MARCHF8: variants seen among roughly 807,000 people sequenced by gnomAD.
MARCHF8 encodes membrane associated ring-CH-type finger 8, also known as E3 ubiquitin-protein ligase MARCHF8.
Under a neutral mutation model 51.6 loss-of-function variants are expected in MARCHF8, and 40 were observed. That is an observed-to-expected ratio of 0.77 (90% CI 0.60 to 1.01). The LOEUF is 1.01. MARCHF8 is among the 50% of genes least tolerant of loss of function. MARCHF8 has a pLI of 0.00. For missense variants in MARCHF8, 685 were observed against 708.6 expected (o/e 0.97, Z 0.38); for synonymous variants, 263 against 280.3 (o/e 0.94, Z 0.62).
At position 45,557,116 on chromosome 10, in the gene MARCHF8, C is replaced by CTT. The variant is rs58172142; in HGVS notation, c.-78-23829_-78-23828dup. Among the ~76,000 whole-genome samples, 137 of 66,218 alleles carry CTT rather than the reference C, an allele frequency of 2.1e-3. 12 individuals are homozygous for CTT. The highest frequency in any genetic ancestry group is 3.0e-3 in the Non-Finnish European group (106 of 35,868). 43.4% of individuals were successfully genotyped at this position (66,218 alleles called of 152,430 possible). On this transcript the variant is annotated intron_variant, in intron 1 of 6. Coordinates refer to the MARCHF8 transcript ENST00000319836. ...CATTGAACAACAAAAGGTGCCTATTCTTTTTTTTTTTTTTTTTTTTTTTTT... is the reference window on the plus strand; with the variant it reads ...CATTGAACAACAAAAGGTGCCTATTCTTTTTTTTTTTTTTTTTTTTTTTTTTT...
rs1589086261 is a variant in MARCHF8, at chr10:45,471,488, C to T, written c.154-7161G>A. On this transcript the variant is annotated intron_variant, in intron 3 of 7. Transcript: ENST00000453424. ...AAAAATCCAAAATCACCAGAAATAA[C>T]ACGGTGAAAGGGGCTGTGTTTGTGA... Among the ~76,000 whole-genome samples the T allele has an allele frequency of 1.3e-5, 2 of 152,336 alleles. 1 individual carries two copies. The highest frequency in any genetic ancestry group is 2.9e-5 in the Non-Finnish European group (2 of 68,034).
chr10:45,533,352 G>A, intron 1 of MARCHF8, 63 bp from the exon 2 acceptor site: 4 of 1,061,546 alleles, frequency 3.8e-6, no homozygotes, highest in Non-Finnish European at 2.5e-6. Flanking sequence ...TTCCAAGAGT[G>A]AGCTTAACAT....
chr10:45,463,771 C>T lies in MARCHF8; in HGVS notation c.468G>A (p.Arg156=). The change falls in exon 5 of 8, where the codon AGG becomes AGA. Residue 156 remains arginine, a synonymous_variant. Coordinates refer to ENST00000453424, the MANE Select transcript of MARCHF8 (RefSeq NM_001282866.2). Reference sequence around the variant, plus strand: ...CCTTCTCACCCACATCATTGAGGGACCTTGAGAACTTTAGTGTTCTTCTGG... The same window carrying T: ...CCTTCTCACCCACATCATTGAGGGATCTTGAGAACTTTAGTGTTCTTCTGG... ...TKARRTLKFS[R]SLNDVGEKAQ... is the part of the protein sequence containing the mutation. The T allele has an allele frequency of 6.4e-7, 1 of 1,551,128 alleles. No homozygotes were observed. The highest frequency in any genetic ancestry group is 1.7e-4 in the Middle Eastern group (1 of 5,998).
At chr10:45,544,413 CA>C (rs765013909) in intron 1 of MARCHF8, among the ~76,000 whole-genome samples, 75 of 152,154 alleles carry the variant, frequency 4.9e-4, no homozygotes, top group Non-Finnish European at 9.6e-4. Flanking sequence ...CACAAAGACA[CA>C]TACATGAATG....
At chr10:45,479,666 GC>G (rs1331160036) in intron 3 of MARCHF8, among the ~76,000 whole-genome samples, 7 of 152,256 alleles carry the variant, frequency 4.6e-5, no homozygotes, top group Non-Finnish European at 7.4e-5. Context: ...CTTGTCTGCC[GC>G]CATGTAAGTA....
intron 1 of MARCHF8, among the ~76,000 whole-genome samples, chr10:45,584,172 G>C (rs1335698386): frequency 1.2e-5 from 1 of 84,820 alleles, no homozygotes; most frequent in Non-Finnish European, 2.3e-5. Flanking sequence ...TATATATCAA[G>C]AAATTCTCTC....
intron 1 of MARCHF8, among the ~76,000 whole-genome samples, chr10:45,577,893 T>C (rs2044508106): frequency 6.6e-6 from 1 of 152,170 alleles, no homozygotes; most frequent in South Asian, 2.1e-4. Context: ...TGGTGGCCCA[T>C]GTCTGTAGTC....
At chr10:45,522,449 G>A (rs1209928804) in intron 2 of MARCHF8, among the ~76,000 whole-genome samples, 1 of 149,518 alleles carries the variant, frequency 6.7e-6, no homozygotes, top group Non-Finnish European at 1.5e-5. Flanking sequence ...TTGCTCTCAG[G>A]GAACAGACAT....
intron 2 of MARCHF8, among the ~76,000 whole-genome samples, chr10:45,512,203 G>A (rs1327971215): frequency 2.0e-5 from 3 of 151,224 alleles, no homozygotes; most frequent in Non-Finnish European, 4.4e-5. Flanking sequence ...CCCTCCGCCT[G>A]GCAACCGCCC....
intron 6 of MARCHF8, 95 bp downstream of exon 6, chr10:45,461,136 G>T: frequency 2.1e-6 from 2 of 948,374 alleles, no homozygotes; most frequent in East Asian, 3.0e-5. Context: ...TTAAGGAAAT[G>T]AACGCAGGCA....
At chr10:45,475,126 C>A (rs1330638661) in intron 3 of MARCHF8, among the ~76,000 whole-genome samples, 1 of 152,234 alleles carries the variant, frequency 6.6e-6, no homozygotes, top group Non-Finnish European at 1.5e-5. Flanking sequence ...GCCATTGCAG[C>A]AGCTAGCTGC....
Position 45,456,373 on chromosome 10 carries a change from C to G in MARCHF8, c.*1866G>C, listed in dbSNP as rs1842607165. ...TATGGCTGGACAGTGCCTGCCCGGC[C>G]AGAGGAAGGCCACAGCAGAGCCACT... On this transcript the variant is annotated 3_prime_UTR_variant, in exon 8 of 8. Coordinates refer to ENST00000453424, the MANE Select transcript of MARCHF8 (RefSeq NM_001282866.2). 1 of 152,332 alleles carries G rather than the reference C, an allele frequency of 6.6e-6. No individual in the cohort carries two copies. The highest frequency in any genetic ancestry group is 1.5e-5 in the Non-Finnish European group (1 of 68,154). The allele number at this position is 152,332 out of a possible 1,614,324, so 9.4% of individuals were successfully genotyped here. A position where few individuals can be genotyped will look rare whatever the true frequency, so the allele number is the denominator to read the frequency against.
rs76737626 is a variant in MARCHF8, at chr10:45,501,237, A to T, written c.103-11820T>A. Among the ~76,000 whole-genome samples the T allele has an allele frequency of 3.7e-3, 569 of 152,196 alleles. 11 individuals are homozygous for T. In the East Asian group the frequency reaches 0.052, roughly 14 times the overall value. On this transcript the variant is annotated intron_variant, in intron 2 of 7. Coordinates refer to ENST00000453424, the MANE Select transcript of MARCHF8 (RefSeq NM_001282866.2). ...AAACAATCCTAAAGAATCCTAAAAG[A>T]ATAAAAAAACTGGGAGAAATCCATC...
intron 1 of MARCHF8, among the ~76,000 whole-genome samples, chr10:45,576,174 A>G (rs2044487283): frequency 6.6e-6 from 1 of 152,258 alleles, no homozygotes; most frequent in Non-Finnish European, 1.5e-5. Flanking sequence ...AAACAGATCA[A>G]GAGAACAGAA....
chr10:45,518,499 T>C (rs1256212542), intron 2 of MARCHF8, among the ~76,000 whole-genome samples: 1 of 152,186 alleles, frequency 6.6e-6, no homozygotes, highest in African/African-American at 2.4e-5. Flanking sequence ...GGATTTTCCC[T>C]GCCTAGACTA....
At chr10:45,540,514 A>G (rs1307915468) in intron 1 of MARCHF8, among the ~76,000 whole-genome samples, 24 of 152,232 alleles carry the variant, frequency 1.6e-4, no homozygotes, top group African/African-American at 5.5e-4. Context: ...ATGGGCAAGG[A>G]CTTCATGTCT....
upstream of MARCHF8, among the ~76,000 whole-genome samples, chr10:45,537,630 G>A (rs2043991104): frequency 6.6e-6 from 1 of 150,508 alleles, no homozygotes. Flanking sequence ...TCCAGCCTAG[G>A]TGATACAGTG....
At chr10:45,560,179 T>C (rs2044293739) in intron 1 of MARCHF8, among the ~76,000 whole-genome samples, 1 of 151,820 alleles carries the variant, frequency 6.6e-6, no homozygotes, top group Non-Finnish European at 1.5e-5. Context: ...AGATATGAAA[T>C]AGAGAAAAGA....
chr10:45,552,475 G>A (rs895207593), intron 1 of MARCHF8, among the ~76,000 whole-genome samples: 5 of 152,068 alleles, frequency 3.3e-5, no homozygotes, highest in African/African-American at 1.2e-4. Flanking sequence ...CAAATTTAAA[G>A]TAATATAAAC....
Sources: allele counts gnomAD v4.1 joint callset (sites outside exome capture counted in the v4.1 genomes callset), GRCh38; gene constraint gnomAD v4.1.1; transcripts MANE v1.5; gene names NCBI Gene and HGNC (gene_info 2026-07-23, HGNC 2026-07-21).